The following NRXN1 variants were observed in gnomAD, a reference collection of about 807,000 sequenced individuals.
NRXN1 encodes neurexin 1, also known as neurexin-1.
In NRXN1, 39 loss-of-function variants were observed where a neutral mutation model predicts 150.9. The ratio of observed to expected loss-of-function variants is 0.26; its 90% confidence interval spans 0.20 to 0.34. NRXN1 has a LOEUF of 0.34. Among genes scored for constraint, NRXN1 ranks in the 10% least tolerant of loss-of-function variants. The pLI, the probability that NRXN1 is intolerant of heterozygous loss-of-function variation, is 1.00. For missense variants in NRXN1, 1,815 were observed against 1,949.9 expected, an observed-to-expected ratio of 0.93 and a Z score of 1.30; for synonymous variants, 924 against 757.0, an observed-to-expected ratio of 1.22 and a Z score of -3.62.
chr2:50,622,686 C>G (rs1280393453), intron 6 of NRXN1, among the ~76,000 whole-genome samples: 1 of 152,026 alleles, frequency 6.6e-6, no homozygotes, highest in Non-Finnish European at 1.5e-5. Context: ...TAAAAAAATA[C>G]AATTAAATAG....
chr2:50,279,660 T>C (rs2071136043), intron 17 of NRXN1, among the ~76,000 whole-genome samples: 1 of 152,178 alleles, frequency 6.6e-6, no homozygotes, highest in African/African-American at 2.4e-5. Flanking sequence ...TCTGTGATTT[T>C]ACTAAAGACA....
intron 18 of NRXN1, among the ~76,000 whole-genome samples, chr2:50,129,990 C>T (rs561221003): frequency 1.1e-4 from 17 of 152,216 alleles, no homozygotes; most frequent in South Asian, 4.1e-4. Flanking sequence ...AAACTATAAA[C>T]GCCAGACACT....
chr2:50,444,021 G>C (rs1466506113), intron 17 of NRXN1, among the ~76,000 whole-genome samples: 1 of 152,126 alleles, frequency 6.6e-6, no homozygotes, highest in African/African-American at 2.4e-5. Flanking sequence ...CTTTTGAGGA[G>C]AAAACTACTG....
chr2:50,062,622 A>G (rs532754118), intron 19 of NRXN1, among the ~76,000 whole-genome samples: 1 of 152,252 alleles, frequency 6.6e-6, no homozygotes, highest in Admixed American at 6.5e-5. Flanking sequence ...CAAAGCAATA[A>G]AACTCAAATC....
chr2:50,048,841 A>G (rs928941973), intron 21 of NRXN1, among the ~76,000 whole-genome samples: 4 of 152,170 alleles, frequency 2.6e-5, no homozygotes, highest in African/African-American at 9.6e-5. Flanking sequence ...AACTGCTCCA[A>G]TACATTTCAC....
intron 17 of NRXN1, among the ~76,000 whole-genome samples, chr2:50,409,857 T>C (rs544646589): frequency 2.0e-5 from 3 of 152,344 alleles, no homozygotes; most frequent in African/African-American, 7.2e-5. Flanking sequence ...GGACACATCT[T>C]TTGTAACTGA....
intron 5 of NRXN1, among the ~76,000 whole-genome samples, chr2:50,786,254 T>G (rs1452020552): frequency 2.0e-5 from 3 of 152,104 alleles, no homozygotes. Context: ...CGACAGGAAG[T>G]GTGGCATGAT....
chr2:50,875,963 G>A (rs1678530150), intron 5 of NRXN1, among the ~76,000 whole-genome samples: 1 of 151,824 alleles, frequency 6.6e-6, no homozygotes, highest in Non-Finnish European at 1.5e-5. Flanking sequence ...AGCTTTGAAA[G>A]TGGAAGAGAC....
chr2:50,082,725 T>C (rs994177324), intron 19 of NRXN1, among the ~76,000 whole-genome samples: 6 of 152,174 alleles, frequency 3.9e-5, no homozygotes, highest in Non-Finnish European at 8.8e-5. Flanking sequence ...CTATCCTACT[T>C]TATTGAGCTC....
chr2:50,573,053 A>C (rs1366909495), intron 8 of NRXN1, among the ~76,000 whole-genome samples: 1 of 152,136 alleles, frequency 6.6e-6, no homozygotes, highest in African/African-American at 2.4e-5. Context: ...GTGAGTTAAA[A>C]ATGCATTATT....
At chr2:50,467,871 T>C (rs1453578485) in intron 16 of NRXN1, among the ~76,000 whole-genome samples, 1 of 151,498 alleles carries the variant, frequency 6.6e-6, no homozygotes, top group East Asian at 1.9e-4. Flanking sequence ...CTCAACTTAG[T>C]TCTTTGTAGT....
intron 18 of NRXN1, among the ~76,000 whole-genome samples, chr2:50,196,060 T>C (rs999236189): frequency 1.3e-5 from 2 of 152,104 alleles, no homozygotes; most frequent in African/African-American, 4.8e-5. Context: ...GCTGCACCTA[T>C]CAACCTATCA....
At chr2:50,159,432 C>T (rs938577569) in intron 18 of NRXN1, among the ~76,000 whole-genome samples, 18 of 151,898 alleles carry the variant, frequency 1.2e-4, no homozygotes, top group African/African-American at 4.3e-4. Flanking sequence ...TTTTTTGCTC[C>T]CCACAAAACT....
At chr2:50,785,645 A>T (rs1249867004) in intron 5 of NRXN1, among the ~76,000 whole-genome samples, 1 of 152,106 alleles carries the variant, frequency 6.6e-6, no homozygotes, top group Non-Finnish European at 1.5e-5. Context: ...AGTAAACCCT[A>T]AAAAACACAT....
At chr2:50,609,466 G>C (rs553245534) in intron 8 of NRXN1, among the ~76,000 whole-genome samples, 76 of 152,136 alleles carry the variant, frequency 5.0e-4, no homozygotes, top group African/African-American at 1.8e-3. Flanking sequence ...TATTAATAAA[G>C]TTTATACTTG....
At chr2:50,414,037 G>T (rs1045956174) in intron 17 of NRXN1, among the ~76,000 whole-genome samples, 14 of 110,976 alleles carry the variant, frequency 1.3e-4, no homozygotes, top group Non-Finnish European at 2.0e-4. Context: ...GCTGGGAAGG[G>T]TAGTGGGGTG....
intron 2 of NRXN1, among the ~76,000 whole-genome samples, chr2:51,002,702 G>A (rs1700225371): frequency 6.6e-6 from 1 of 151,854 alleles, no homozygotes; most frequent in South Asian, 2.1e-4. Context: ...ATACATGCAA[G>A]ATGACAAAAT....
intron 22 of NRXN1, among the ~76,000 whole-genome samples, chr2:49,941,295 G>C (rs1257281314): frequency 9.3e-5 from 14 of 151,136 alleles, no homozygotes; most frequent in Non-Finnish European, 1.9e-4. Flanking sequence ...ACTTTTCATT[G>C]TGCTATGATA....
intron 5 of NRXN1, among the ~76,000 whole-genome samples, chr2:50,781,002 C>A (rs372891898): frequency 2.7e-4 from 41 of 152,308 alleles, no homozygotes; most frequent in African/African-American, 9.4e-4. Context: ...AACAAGTTAA[C>A]CTGCTGCAGT....
Sources: gnomAD v4.1 joint callset for allele counts (sites outside exome capture counted in the v4.1 genomes callset) on GRCh38, gnomAD v4.1.1 for gene constraint, MANE v1.5 for transcripts, NCBI Gene and HGNC (gene_info 2026-07-23, HGNC 2026-07-21) for gene names.